NPLOC4: variants seen among roughly 807,000 people sequenced by gnomAD.
The protein encoded by NPLOC4 is NPL4 homolog, ubiquitin recognition factor.
Under a neutral mutation model 80.6 loss-of-function variants are expected in NPLOC4, and 18 were observed. That is an observed-to-expected ratio of 0.22 (90% CI 0.15 to 0.33). The LOEUF (loss-of-function observed/expected upper bound fraction) is 0.33. NPLOC4 is among the 10% of genes least tolerant of loss of function. The pLI, the probability that NPLOC4 is intolerant of heterozygous loss-of-function variation, is 1.00. For missense variants in NPLOC4, 540 were observed against 786.1 expected, an observed-to-expected ratio of 0.69 and a Z score of 3.74; for synonymous variants, 313 against 301.5, an observed-to-expected ratio of 1.04 and a Z score of -0.39.
At chr17:81,615,029 C>T (rs1297270770) in intron 3 of NPLOC4, among the ~76,000 whole-genome samples, 3 of 152,094 alleles carry the variant, frequency 2.0e-5, no homozygotes, top group African/African-American at 2.4e-5. Flanking sequence ...AATTTCTTTC[C>T]TCCTCCTCTT....
intron 8 of NPLOC4, among the ~76,000 whole-genome samples, chr17:81,601,226 G>C (rs1211594986): frequency 6.6e-6 from 1 of 152,174 alleles, no homozygotes; most frequent in African/African-American, 2.4e-5. Context: ...ATCTCAAATT[G>C]AGTTACAGTA....
rs1373528713 is a variant in NPLOC4 at position 81,622,150 on chromosome 17, C to T, written c.209+16G>A. On this transcript the variant is annotated intron_variant, in intron 3 of 16. Coordinates refer to ENST00000331134, the MANE Select transcript of NPLOC4 (RefSeq NM_017921.4). ...ATTTCCCCCCATTCCCTGCTTCCTC[C>T]TCAGAGGACACTTACTTGATTTTTA... The T allele has an allele frequency of 1.9e-6, 3 of 1,581,628 alleles. No individual in the cohort carries two copies. The highest frequency in any genetic ancestry group is 1.1e-5 in the South Asian group (1 of 90,306).
intron 12 of NPLOC4, among the ~76,000 whole-genome samples, chr17:81,587,027 C>T (rs1000778228): frequency 2.6e-5 from 4 of 152,172 alleles, no homozygotes; most frequent in Non-Finnish European, 4.4e-5. Context: ...ACACTCAGCA[C>T]GCCAGTAACA....
At chr17:81,596,783 C>A (rs540317789) in intron 10 of NPLOC4, among the ~76,000 whole-genome samples, 1 of 152,280 alleles carries the variant, frequency 6.6e-6, no homozygotes, top group South Asian at 2.1e-4. Flanking sequence ...ACCAAGAGAT[C>A]CGGCCTTCAT....
In NPLOC4 at chr17:81,604,603, T is replaced by C. The variant is rs1464793369; in HGVS notation, c.779A>G (p.Lys260Arg). ...AGCCCTGATGCCAAGGGGAATGTCT[T>C]TGTGCTCCGTGTACCGTCCGTATAA... Reference protein sequence around the residue: ...GYLYGRYTEHKDIPLGIRAEV... With the variant: ...GYLYGRYTEHRDIPLGIRAEV... The change falls in exon 8 of 17, where the codon AAA becomes AGA. Residue 260 changes from lysine (K) to arginine (R), a missense_variant. Lys to Arg is a conservative substitution (Grantham distance 26). This residue lies in a region of NPLOC4 where 251 missense variants were observed against 377.5 expected (regional missense o/e 0.66). Transcript: ENST00000331134. 4.3e-6 allele frequency: 7 copies of C among 1,613,686 alleles called. No homozygotes were observed. The highest frequency in any genetic ancestry group is 3.3e-5 in the Admixed American group (2 of 59,974).
chr17:81,636,205 A>G (rs2036067684), intron 1 of NPLOC4, among the ~76,000 whole-genome samples: 1 of 152,122 alleles, frequency 6.6e-6, no homozygotes, highest in Non-Finnish European at 1.5e-5. Context: ...TCCTGACCCC[A>G]GGTGATCCAC....
intron 5 of NPLOC4, among the ~76,000 whole-genome samples, chr17:81,609,943 G>A (rs1019276389): frequency 6.6e-6 from 1 of 152,216 alleles, no homozygotes; most frequent in Admixed American, 6.5e-5. Flanking sequence ...GATTGTCCAG[G>A]GAGCCCGCTG....
intron 1 of NPLOC4, among the ~76,000 whole-genome samples, chr17:81,636,130 C>T (rs915525843): frequency 2.0e-5 from 3 of 152,020 alleles, no homozygotes; most frequent in African/African-American, 7.2e-5. Context: ...CCATGACGCC[C>T]GGCTAATTTT....
intron 2 of NPLOC4, among the ~76,000 whole-genome samples, chr17:81,628,873 T>C (rs921386239): frequency 6.9e-6 from 1 of 143,962 alleles, no homozygotes; most frequent in Non-Finnish European, 1.5e-5. Context: ...TAGTCATATC[T>C]ACAATTCATA....
intron 11 of NPLOC4, among the ~76,000 whole-genome samples, chr17:81,589,918 C>A (rs1333083917): frequency 6.6e-6 from 1 of 151,680 alleles, no homozygotes; most frequent in Non-Finnish European, 1.5e-5. Context: ...TTAGTGTCAT[C>A]AGCACTTGGG....
In NPLOC4 at chr17:81,577,270, C is replaced by T. The variant is rs1353260727; in HGVS notation, c.1282-5182G>A. The stretch of plus-strand genomic sequence containing the variant: ...TGTAGTCCTCGCCAGACTGCCTGTC[C>T]GCACAGCTCTCCAGACAGAGGACCC... On this transcript the variant is annotated intron_variant, in intron 12 of 16. Transcript: ENST00000331134. The surrounding 1 kb of genome is among the most constrained non-coding windows in gnomAD (Gnocchi z 4.3). Among the ~76,000 whole-genome samples, 1 of 151,988 alleles carries T rather than the reference C, an allele frequency of 6.6e-6. No homozygotes were observed. The highest frequency in any genetic ancestry group is 1.5e-5 in the Non-Finnish European group (1 of 67,964).
intron 6 of NPLOC4, 56 bp from the exon 7 acceptor site, chr17:81,606,870 C>G: frequency 1.3e-6 from 2 of 1,531,658 alleles, no homozygotes; most frequent in African/African-American, 2.7e-5. Context: ...GAGCAAGAGG[C>G]TGGAAATGAC....
chr17:81,559,198 C>T lies in NPLOC4; in HGVS notation c.*61G>A, dbSNP rs1010974337. 16 of 1,510,820 alleles carry T rather than the reference C, an allele frequency of 1.1e-5. No homozygotes were observed. Among genetic ancestry groups the T allele is most frequent in the Middle Eastern group, 2.3e-4 (1 of 4,308 alleles). The allele number at this position is 1,510,820 out of a possible 1,614,324, so 93.6% of individuals were successfully genotyped here. A position where few individuals can be genotyped will look rare whatever the true frequency, so the allele number is the denominator to read the frequency against. On this transcript the variant is annotated 3_prime_UTR_variant, in exon 17 of 17. Coordinates refer to ENST00000331134, the MANE Select transcript of NPLOC4 (RefSeq NM_017921.4). ...CAGTTACAGGGAACACACTCAGCAA[C>T]GCTTCTGGCTTCAGGAAGGGCTGGG... is the stretch of plus-strand genomic sequence containing the variant.
rs909547502 is a variant in NPLOC4, at chr17:81,561,123, A to G, written c.1670-1707T>C. 5.3e-5 allele frequency among the ~76,000 whole-genome samples: 8 copies of G among 152,126 alleles called. No individual in the cohort carries two copies. In the South Asian group the frequency reaches 1.7e-3, roughly 32 times the overall value. ...CAGGCACGTGCCACCACACCTGGCT[A>G]ATTTTTTTTATTTTTAGTAGAGATG... is the stretch of plus-strand genomic sequence containing the variant. On this transcript the variant is annotated intron_variant, in intron 16 of 16. Coordinates refer to ENST00000331134, the MANE Select transcript of NPLOC4 (RefSeq NM_017921.4).
Position 81,559,092 on chromosome 17 carries a change from G to T in NPLOC4, c.*167C>A. On this transcript the variant is annotated 3_prime_UTR_variant, in exon 17 of 17. Transcript: ENST00000331134. The stretch of plus-strand genomic sequence containing the variant: ...AGCCGTGGCGCCCGCTCTCCAGGGA[G>T]GAACGTGCTGAGAAGCTTCAGTGGG... 1 of 716,936 alleles carries T rather than the reference G, an allele frequency of 1.4e-6. No homozygotes were observed. The highest frequency in any genetic ancestry group is 2.2e-6 in the Non-Finnish European group (1 of 448,742). The allele number at this position is 716,936 out of a possible 1,614,324, so 44.4% of individuals were successfully genotyped here. A position where few individuals can be genotyped will look rare whatever the true frequency, so the allele number is the denominator to read the frequency against.
At chr17:81,570,261 T>C (rs552407531) in intron 13 of NPLOC4, among the ~76,000 whole-genome samples, 1 of 152,346 alleles carries the variant, frequency 6.6e-6, no homozygotes, top group South Asian at 2.1e-4. Context: ...ATCCTGGGCC[T>C]CACTTTACTC....
chr17:81,633,935 C>T (rs1209765390), intron 1 of NPLOC4, among the ~76,000 whole-genome samples: 2 of 151,184 alleles, frequency 1.3e-5, no homozygotes, highest in East Asian at 1.9e-4. Flanking sequence ...GGTGCGATCT[C>T]GGCTCACTGC....
At chr17:81,628,028 T>G (rs1196435281) in intron 2 of NPLOC4, among the ~76,000 whole-genome samples, 3 of 151,228 alleles carry the variant, frequency 2.0e-5, no homozygotes, top group Non-Finnish European at 2.9e-5. Context: ...CTGGCTAACA[T>G]GGTGAAATCC....
chr17:81,614,170 G>C (rs571526778), intron 3 of NPLOC4: 1 of 150,716 alleles, frequency 6.6e-6, no homozygotes, highest in African/African-American at 2.4e-5. Context: ...CCAGCTACTC[G>C]GGAGGCTGAG....
Sources: gnomAD v4.1 joint callset for allele counts (sites outside exome capture counted in the v4.1 genomes callset) on GRCh38, gnomAD v4.1.1 for gene constraint, gnomAD v4.1.1 regional missense constraint, Gnocchi (gnomAD v3.1) non-coding constraint, MANE v1.5 for transcripts, NCBI Gene and HGNC (gene_info 2026-07-23, HGNC 2026-07-21) for gene names.